The following TASOR variants were observed in gnomAD, a reference collection of about 807,000 sequenced individuals.
TASOR encodes the protein transcription activation suppressor, also known as protein TASOR.
A neutral mutation model predicts 178.6 loss-of-function variants in TASOR; 53 were observed. The observed-to-expected ratio is 0.30, with a 90% CI of 0.24 to 0.37. The LOEUF is 0.37. Among genes scored for constraint, TASOR ranks in the 10% least tolerant of loss-of-function variants. The pLI is 1.00. For synonymous variants in TASOR, 713 were observed against 696.2 expected, an observed-to-expected ratio of 1.02 and a Z score of -0.38; for missense variants, 1,815 against 1,971.4, an observed-to-expected ratio of 0.92 and a Z score of 1.50.
At chr3:56,674,976 A>C (rs1188827737) in intron 1 of TASOR, among the ~76,000 whole-genome samples, 1 of 151,264 alleles carries the variant, frequency 6.6e-6, no homozygotes, top group Non-Finnish European at 1.5e-5. Context: ...CCACCACCAC[A>C]CCCGGCTAAT....
In TASOR at chr3:56,641,548, T is replaced by A. The variant is rs749269567; in HGVS notation, c.2420A>T (p.Glu807Val). ...CTCATACTCATGTTTTTGCCTCAGC[T>A]CTTCATAGGCATCATCAGTGCTCAA... ...LGLSTDDAYE[E>V]LRQKHEYELN... Residue 807 changes from glutamate (E) to valine (V), a missense_variant, in exon 15 of 24, where the codon GAG (glutamate) becomes GTG (valine). Around this residue, in one of 5 missense-constraint regions of TASOR, gnomAD observed 655 missense variants for 671.1 expected, o/e 0.98. Coordinates refer to ENST00000683822, the MANE Select transcript of TASOR (RefSeq NM_001365635.2). The A allele has an allele frequency of 1.9e-6, 3 of 1,614,204 alleles. No individual in the cohort carries two copies. The highest frequency in any genetic ancestry group is 2.5e-6 in the Non-Finnish European group (3 of 1,180,012).
chr3:56,632,079 C>G (rs900515516), intron 18 of TASOR, among the ~76,000 whole-genome samples: 1 of 152,112 alleles, frequency 6.6e-6, no homozygotes, highest in Non-Finnish European at 1.5e-5. Context: ...TTAGGCCAAC[C>G]CTGGGCAGTT....
chr3:56,643,766 A>AC (rs2077178381), intron 14 of TASOR, among the ~76,000 whole-genome samples: 1 of 107,400 alleles, frequency 9.3e-6, no homozygotes, highest in South Asian at 4.4e-4. Flanking sequence ...AAAAAAAAAA[A>AC]AACAAAAAAA....
chr3:56,660,602 A>G (rs2077574071), intron 11 of TASOR, 129 bp downstream of exon 11: 3 of 661,850 alleles, frequency 4.5e-6, no homozygotes, highest in Non-Finnish European at 7.7e-6. Flanking sequence ...TGTTAACTAA[A>G]CAGCAGCAAC....
At chr3:56,669,457 G>A (rs1180162872) in intron 5 of TASOR, among the ~76,000 whole-genome samples, 2 of 151,630 alleles carry the variant, frequency 1.3e-5, no homozygotes, top group South Asian at 2.1e-4. Context: ...GAGCCAAGAT[G>A]GCGCCACTGC....
In TASOR at chr3:56,622,506, CT is replaced by C. The variant is rs1176178625; in HGVS notation, c.*530del. On this transcript the variant is annotated 3_prime_UTR_variant, in exon 24 of 24. Coordinates refer to ENST00000683822, the MANE Select transcript of TASOR (RefSeq NM_001365635.2). Reference sequence around the variant, plus strand: ...ATAGGCAGTTTTTACATGACTAAGCCTAGAGATAAAAAATGTGTCCTATGTA... The same window carrying C: ...ATAGGCAGTTTTTACATGACTAAGCCAGAGATAAAAAATGTGTCCTATGTA... 8 of 152,446 alleles carry C rather than the reference CT, an allele frequency of 5.2e-5. No individual in the cohort carries two copies. The highest frequency in any genetic ancestry group is 1.2e-4 in the Non-Finnish European group (8 of 67,978). 9.4% of individuals were successfully genotyped at this position (152,446 alleles called of 1,614,324 possible).
chr3:56,643,062 G>A (rs978818474), intron 14 of TASOR, among the ~76,000 whole-genome samples: 4 of 151,914 alleles, frequency 2.6e-5, no homozygotes, highest in Non-Finnish European at 4.4e-5. Flanking sequence ...TCAGGAGTTC[G>A]AAACTAGCTC....
intron 5 of TASOR, among the ~76,000 whole-genome samples, 155 bp from the exon 6 acceptor site, chr3:56,668,713 C>T (rs1240661700): frequency 6.6e-6 from 1 of 152,214 alleles, no homozygotes; most frequent in African/African-American, 2.4e-5. Flanking sequence ...GTGACTCAGG[C>T]CTGTAATCCC....
chr3:56,633,806 T>TTTG lies in TASOR; in HGVS notation c.2984_2985insCAA (p.Thr995_Gly996insLys). On this transcript the variant is annotated inframe_insertion, in exon 18 of 24. Coordinates refer to ENST00000683822, the MANE Select transcript of TASOR (RefSeq NM_001365635.2). ...GCACACACTGCTCCTCCACCTGACC[T>TTTG]GTCAACACGTCATCCTCAGTGGTGC... The TTTG allele has an allele frequency of 6.2e-7, 1 of 1,614,200 alleles. No homozygotes were observed. The highest frequency in any genetic ancestry group is 2.2e-5 in the East Asian group (1 of 44,876).
chr3:56,625,672 T>C (rs1219016842), intron 21 of TASOR, among the ~76,000 whole-genome samples: 1 of 151,914 alleles, frequency 6.6e-6, no homozygotes, highest in Non-Finnish European at 1.5e-5. Context: ...AATACACTAT[T>C]ATGGCTCTAA....
intron 17 of TASOR, among the ~76,000 whole-genome samples, chr3:56,637,558 A>T (rs1021127200): frequency 6.7e-6 from 1 of 148,990 alleles, no homozygotes; most frequent in Non-Finnish European, 1.5e-5. Flanking sequence ...ACTTTCCTCT[A>T]TGTTATATAT....
Position 56,627,695 on chromosome 3 carries a change from G to C in TASOR, c.3917C>G (p.Ala1306Gly). 1 of 1,614,010 alleles carries C rather than the reference G, an allele frequency of 6.2e-7. No individual in the cohort carries two copies. Among genetic ancestry groups the C allele is most frequent in the Non-Finnish European group, 8.5e-7 (1 of 1,179,972 alleles). ...AACATCATCCAGGCTATCAACACCA[G>C]CAAAACTAACACAGGGGAGCTTCTT... is the stretch of plus-strand genomic sequence containing the variant. ...TLKKLPCVSF[A>G]GVDSLDDVKN... Residue 1306 changes from alanine to glycine, a missense_variant, in exon 20 of 24, where the codon GCT becomes GGT. Transcript: ENST00000683822.
In TASOR at chr3:56,624,534, G is replaced by A; in HGVS notation, c.4428C>T (p.Ile1476=). 1 of 1,614,106 alleles carries A rather than the reference G, an allele frequency of 6.2e-7. No homozygotes were observed. Among genetic ancestry groups the A allele is most frequent in the Middle Eastern group, 1.7e-4 (1 of 6,060 alleles). Residue 1476 remains isoleucine, a synonymous_variant, in exon 23 of 24, where the codon ATC becomes ATT. Transcript: ENST00000683822. ...FKNLVGYHNS[I]TEENLPQLGA... is the part of the protein sequence containing the mutation. ...CAAGCTGTGGAAGGTTTTCTTCTGT[G>A]ATTGAATTGTGATAGCCCACAAGAT...
chr3:56,643,394 G>C (rs185799034), intron 14 of TASOR, among the ~76,000 whole-genome samples: 1 of 152,094 alleles, frequency 6.6e-6, no homozygotes, highest in Non-Finnish European at 1.5e-5. Flanking sequence ...GTTACAAGGG[G>C]TGGTGGGAAT....
At position 56,641,991 on chromosome 3, in the gene TASOR, A is replaced by C. The variant is rs910497904; in HGVS notation, c.2216-239T>G. The stretch of plus-strand genomic sequence containing the variant: ...AATTTAAGCATTCTATCAATAGGAA[A>C]ATAAGCTCATGCATTAGGTTTTAAA... On this transcript the variant is annotated intron_variant, in intron 14 of 23. Transcript: ENST00000683822. Among the ~76,000 whole-genome samples the C allele has an allele frequency of 4.6e-5, 7 of 152,356 alleles. 1 individual carries two copies. Among genetic ancestry groups the C allele is most frequent in the Admixed American group, 1.3e-4 (2 of 15,308 alleles).
chr3:56,626,560 C>T (rs988866863), intron 21 of TASOR, among the ~76,000 whole-genome samples: 2 of 151,868 alleles, frequency 1.3e-5, no homozygotes, highest in Admixed American at 6.6e-5. Context: ...CGGGCCAACA[C>T]GGTGAAACCC....
At chr3:56,627,224 A>G (rs1436749767) in intron 20 of TASOR, 79 bp from the exon 21 acceptor site, 9 of 876,784 alleles carry the variant, frequency 1.0e-5, no homozygotes, top group Admixed American at 2.5e-5. Context: ...GTGTTTTTTC[A>G]TATTATGTAG....
intron 18 of TASOR, among the ~76,000 whole-genome samples, chr3:56,631,522 G>GT (rs1321340811): frequency 1.3e-5 from 2 of 151,272 alleles, no homozygotes; most frequent in Admixed American, 6.6e-5. Flanking sequence ...ACAAACTTAC[G>GT]TATCTATGTC....
At chr3:56,671,348 T>A (rs2030716274) in intron 3 of TASOR, 1 of 306,138 alleles carries the variant, frequency 3.3e-6, no homozygotes, top group Non-Finnish European at 5.9e-6. Flanking sequence ...CAGAAAAAAA[T>A]AAATAAATAA....
Sources: allele counts gnomAD v4.1 joint callset (sites outside exome capture counted in the v4.1 genomes callset), GRCh38; gene constraint gnomAD v4.1.1; regional missense constraint gnomAD v4.1.1; transcripts MANE v1.5; gene names NCBI Gene and HGNC (gene_info 2026-07-23, HGNC 2026-07-21).